Variants in CGREF1 observed in about 807,000 individuals in gnomAD.
The protein encoded by CGREF1 is cell growth regulator with EF-hand domain 1.
CGREF1 carries 16 observed loss-of-function variants against 17.4 expected under a neutral mutation model. That is an observed-to-expected ratio of 0.92 (90% confidence interval 0.62 to 1.40). CGREF1 has a LOEUF of 1.40. Among genes scored for constraint, CGREF1 ranks in the 40% most tolerant of loss-of-function variants. CGREF1 has a pLI of 0.00. For missense variants in CGREF1, 296 were observed against 376.4 expected (o/e 0.79, Z 1.77); for synonymous variants, 142 against 154.6 (o/e 0.92, Z 0.61).
intron 1 of CGREF1, among the ~76,000 whole-genome samples, chr2:27,117,777 C>A (rs1210001419): frequency 1.4e-5 from 2 of 145,248 alleles, no homozygotes; most frequent in Non-Finnish European, 3.0e-5. Flanking sequence ...GGCACGATCT[C>A]GGCTCACAGC....
At chr2:27,110,406 TAC>T (rs56066812) in intron 1 of CGREF1, among the ~76,000 whole-genome samples, 147,478 of 150,844 alleles carry the variant, frequency 0.98, 72,154 homozygotes, top group Non-Finnish European at 1. Context: ...TCCAAAAAAA[TAC>T]ACACACACAC....
At position 27,100,966 on chromosome 2, in the gene CGREF1, C is replaced by G; in HGVS notation, c.*308G>C. 1.7e-6 allele frequency: 2 copies of G among 1,169,822 alleles called. No homozygotes were observed. Among genetic ancestry groups the G allele is most frequent in the Non-Finnish European group, 1.1e-6 (1 of 946,928 alleles). The allele number at this position is 1,169,822 out of a possible 1,614,324, so 72.5% of individuals were successfully genotyped here. A position where few individuals can be genotyped will look rare whatever the true frequency, so the allele number is the denominator to read the frequency against. On this transcript the variant is annotated 3_prime_UTR_variant, in exon 6 of 6. Transcript: ENST00000402394. The stretch of plus-strand genomic sequence containing the variant: ...CACCATGCGCTCTGCTGCCGGAGCA[C>G]CGTGAGGCCCAGAAACACTGGGCAG...
rs34878101 is a variant in CGREF1 at position 27,107,108 on chromosome 2, T to C, written c.-11-2731A>G. ...TCCATAGGTAAAGTTTCCAGGAATA[T>C]GAACTCATAGCCAAAACGTTATAAA... On this transcript the variant is annotated intron_variant, in intron 1 of 5. Coordinates refer to ENST00000402394, the MANE Select transcript of CGREF1 (RefSeq NM_006569.6). 6.2e-3 allele frequency among the ~76,000 whole-genome samples: 951 copies of C among 152,278 alleles called. 6 individuals carry two copies. Among genetic ancestry groups the C allele is most frequent in the Admixed American group, 0.011 (169 of 15,300 alleles).
downstream of CGREF1, chr2:27,099,755 A>G (rs776398027): frequency 2.5e-6 from 4 of 1,613,608 alleles, no homozygotes; most frequent in Non-Finnish European, 3.4e-6. Flanking sequence ...GTGTGAGAGC[A>G]GGTGCCGGCT....
chr2:27,116,235 A>AC (rs969291222), intron 1 of CGREF1, among the ~76,000 whole-genome samples: 1 of 151,186 alleles, frequency 6.6e-6, no homozygotes, highest in African/African-American at 2.4e-5. Flanking sequence ...AAAAAAAAAA[A>AC]AAAAACAAAG....
intron 1 of CGREF1, 188 bp from the exon 2 acceptor site, chr2:27,104,565 G>A: frequency 6.4e-7 from 1 of 1,550,652 alleles, no homozygotes; most frequent in South Asian, 1.2e-5. Flanking sequence ...CAAAATAAAT[G>A]TCACTCCAGC....
chr2:27,105,736 G>A (rs1398684469), intron 1 of CGREF1, among the ~76,000 whole-genome samples: 7 of 152,092 alleles, frequency 4.6e-5, no homozygotes, highest in Non-Finnish European at 7.4e-5. Context: ...TAGTAGAGAC[G>A]GGGTTTCACC....
At chr2:27,117,489 T>C (rs1480785903) in intron 1 of CGREF1, among the ~76,000 whole-genome samples, 4 of 152,220 alleles carry the variant, frequency 2.6e-5, no homozygotes, top group Non-Finnish European at 5.9e-5. Context: ...ACCATAACTG[T>C]TAACAGTTGC....
intron 1 of CGREF1, among the ~76,000 whole-genome samples, chr2:27,113,833 C>G (rs1431233636): frequency 1.3e-5 from 2 of 152,216 alleles, no homozygotes; most frequent in East Asian, 3.9e-4. Context: ...GCTTCACACA[C>G]CCCCTTCCCA....
chr2:27,114,904 T>TTGTG (rs970434627), intron 1 of CGREF1, among the ~76,000 whole-genome samples: 9 of 151,164 alleles, frequency 6.0e-5, no homozygotes, highest in African/African-American at 1.2e-4. Context: ...CGTTATCTTT[T>TTGTG]TGTGTGTGTG....
rs55824603 is a variant in CGREF1, at chr2:27,109,885, C to CAAAA, written c.-11-5512_-11-5509dup. On this transcript the variant is annotated intron_variant, in intron 1 of 5. Coordinates refer to ENST00000402394, the MANE Select transcript of CGREF1 (RefSeq NM_006569.6). ...GGGCAACAAGAGGAAGACTCCGTCT[C>CAAAA]AAAAAAAAAAAAAAAAAAAAAAAAA... Among the ~76,000 whole-genome samples the CAAAA allele has an allele frequency of 3.1e-3, 205 of 65,830 alleles. 29 individuals are homozygous for CAAAA. Among genetic ancestry groups the CAAAA allele is most frequent in the African/African-American group, 0.012 (144 of 11,564 alleles). 43.2% of individuals were successfully genotyped at this position (65,830 alleles called of 152,430 possible). A position where few individuals can be genotyped will look rare whatever the true frequency, so the allele number is the denominator to read the frequency against.
chr2:27,101,659 GCTT>G lies in CGREF1; in HGVS notation c.569_571del (p.Glu190del), dbSNP rs1670860261. On this transcript the variant is annotated inframe_deletion, in exon 6 of 6. Transcript: ENST00000402394. ...CCTTCTGGCCTCTACCTGGCCCTTTGCTTCTTCTCTGGGACCAGGGGCTTCCTG... is the reference window on the plus strand; with the variant it reads ...CCTTCTGGCCTCTACCTGGCCCTTTGCTTCTCTGGGACCAGGGGCTTCCTG... 1 of 1,614,230 alleles carries G rather than the reference GCTT, an allele frequency of 6.2e-7. No homozygotes were observed. The highest frequency in any genetic ancestry group is 1.1e-5 in the South Asian group (1 of 91,086).
downstream of CGREF1, chr2:27,099,718 T>C (rs1177962254): frequency 6.2e-7 from 1 of 1,613,964 alleles, no homozygotes; most frequent in Non-Finnish European, 8.5e-7. Context: ...CGGCAAGAAG[T>C]GTGGCCTGCA....
At chr2:27,117,692 C>A (rs533865999) in intron 1 of CGREF1, among the ~76,000 whole-genome samples, 2 of 150,608 alleles carry the variant, frequency 1.3e-5, no homozygotes, top group Non-Finnish European at 2.9e-5. Flanking sequence ...CCTCTCTGAG[C>A]CCTGGGATCT....
At chr2:27,099,504 G>A (rs751466422), downstream of CGREF1, 22 of 1,613,998 alleles carry the variant, frequency 1.4e-5, no homozygotes, top group East Asian at 2.2e-5. Context: ...ATGCTTTCCC[G>A]CCACCCCGCG....
At chr2:27,115,299 C>A (rs1349161897) in intron 1 of CGREF1, among the ~76,000 whole-genome samples, 1 of 152,118 alleles carries the variant, frequency 6.6e-6, no homozygotes, top group Non-Finnish European at 1.5e-5. Context: ...TCTTCTTGGT[C>A]CTATGTACCC....
Position 27,100,673 on chromosome 2 carries a change from T to TC in CGREF1, c.*600dup. ...AACGCAATCTGCCTCAATTTCTTCA[T>TC]CTGTCAAATGGAACCAATTCTGCTT... On this transcript the variant is annotated 3_prime_UTR_variant, in exon 6 of 6. Transcript: ENST00000402394. 9.3e-7 allele frequency: 1 copy of TC among 1,076,710 alleles called. No individual in the cohort carries two copies. The highest frequency in any genetic ancestry group is 1.2e-6 in the Non-Finnish European group (1 of 833,300). 66.7% of individuals were successfully genotyped at this position (1,076,710 alleles called of 1,614,324 possible).
intron 1 of CGREF1, 99 bp downstream of exon 1, chr2:27,118,747 T>G (rs940392954): frequency 3.9e-5 from 6 of 152,304 alleles, no homozygotes; most frequent in Admixed American, 3.9e-4. Context: ...GCTCTCGGGA[T>G]CTGGACCAGA....
intron 2 of CGREF1, among the ~76,000 whole-genome samples, chr2:27,103,354 C>T (rs1670983252): frequency 6.8e-6 from 1 of 146,240 alleles, no homozygotes; most frequent in Admixed American, 7.0e-5. Context: ...ATGATCTCTA[C>T]TTCTTTGGTG....
Sources: gnomAD v4.1 joint callset for allele counts (sites outside exome capture counted in the v4.1 genomes callset) on GRCh38, gnomAD v4.1.1 for gene constraint, MANE v1.5 for transcripts, NCBI Gene and HGNC (gene_info 2026-07-23, HGNC 2026-07-21) for gene names.